Variants in ATP8A2 observed in about 807,000 individuals in gnomAD.
ATP8A2 encodes phospholipid-transporting ATPase IB.
In ATP8A2, 100 loss-of-function variants were observed where a neutral mutation model predicts 165.6. The ratio of observed to expected loss-of-function variants is 0.60; its 90% CI spans 0.51 to 0.71. ATP8A2 has a LOEUF of 0.71. Ranked by LOEUF, ATP8A2 falls within the 30% of genes least tolerant of loss-of-function variation. The pLI, the probability that ATP8A2 is intolerant of heterozygous loss-of-function variation, is 0.00. For missense variants in ATP8A2, 1,227 were observed against 1,479.5 expected (o/e 0.83, Z 2.80); for synonymous variants, 543 against 548.8 (o/e 0.99, Z 0.15).
At chr13:25,397,029 G>T (rs1334304024) in intron 1 of ATP8A2, among the ~76,000 whole-genome samples, 2 of 152,196 alleles carry the variant, frequency 1.3e-5, no homozygotes, top group African/African-American at 4.8e-5. Context: ...CCAAAGGCGT[G>T]CCCCTTGGTG....
chr13:25,796,388 G>A (rs1232371329), intron 27 of ATP8A2, among the ~76,000 whole-genome samples: 1 of 152,192 alleles, frequency 6.6e-6, no homozygotes, highest in Non-Finnish European at 1.5e-5. Context: ...TAAGAAGGCA[G>A]GTGTGTGTTG....
chr13:25,635,363 T>C (rs1036597034), intron 24 of ATP8A2, among the ~76,000 whole-genome samples: 2 of 151,944 alleles, frequency 1.3e-5, no homozygotes, highest in South Asian at 2.1e-4. Context: ...GTTTGGGGAG[T>C]GTTCTACTAA....
intron 13 of ATP8A2, among the ~76,000 whole-genome samples, chr13:25,556,009 CA>C (rs749610215): frequency 2.6e-5 from 4 of 152,114 alleles, no homozygotes; most frequent in Non-Finnish European, 5.9e-5. Flanking sequence ...TTTCTTTATC[CA>C]ATCCACTGTT....
intron 35 of ATP8A2, among the ~76,000 whole-genome samples, chr13:25,994,149 A>G (rs1018519589): frequency 1.3e-5 from 2 of 152,160 alleles, no homozygotes; most frequent in African/African-American, 2.4e-5. Flanking sequence ...CATTGATAAT[A>G]CATAGAAATA....
chr13:25,630,658 A>G (rs1367770008), intron 24 of ATP8A2, among the ~76,000 whole-genome samples: 2 of 152,204 alleles, frequency 1.3e-5, no homozygotes, highest in Non-Finnish European at 2.9e-5. Flanking sequence ...TCTACAGGAA[A>G]TCTTGAGACA....
chr13:25,684,909 T>A (rs540920174), intron 24 of ATP8A2, among the ~76,000 whole-genome samples: 1 of 152,344 alleles, frequency 6.6e-6, no homozygotes, highest in Admixed American at 6.5e-5. Context: ...ATTTGAGCTC[T>A]TTTGAGTCTT....
chr13:25,391,246 G>C (rs184658367), intron 1 of ATP8A2, among the ~76,000 whole-genome samples: 1 of 152,104 alleles, frequency 6.6e-6, no homozygotes, highest in Non-Finnish European at 1.5e-5. Flanking sequence ...AATGAATCCA[G>C]CTCAAGCCTT....
At chr13:25,967,211 C>G (rs1213798497) in intron 34 of ATP8A2, among the ~76,000 whole-genome samples, 2 of 152,184 alleles carry the variant, frequency 1.3e-5, no homozygotes, top group Non-Finnish European at 2.9e-5. Flanking sequence ...AATTAAAATT[C>G]CACAGGCTCT....
intron 24 of ATP8A2, among the ~76,000 whole-genome samples, chr13:25,603,470 CAAAA>C (rs60241678): frequency 1.7e-5 from 2 of 118,430 alleles, no homozygotes; most frequent in Admixed American, 8.6e-5. Context: ...GACTCTGTCT[CAAAA>C]AAAAAAAAAA....
At chr13:25,718,329 C>T (rs569240780) in intron 25 of ATP8A2, among the ~76,000 whole-genome samples, 12 of 152,244 alleles carry the variant, frequency 7.9e-5, no homozygotes, top group South Asian at 4.2e-4. Context: ...CACAGAGACT[C>T]GGGGTCAGAA....
chr13:25,471,191 C>G (rs900371380), intron 2 of ATP8A2, among the ~76,000 whole-genome samples: 1 of 151,932 alleles, frequency 6.6e-6, no homozygotes, highest in Non-Finnish European at 1.5e-5. Context: ...TGAAGAGCTA[C>G]TTTTCTTTTT....
At chr13:25,898,387 G>C (rs1953628669) in intron 33 of ATP8A2, among the ~76,000 whole-genome samples, 1 of 152,228 alleles carries the variant, frequency 6.6e-6, no homozygotes, top group South Asian at 2.1e-4. Context: ...TCTTCTGGAA[G>C]TTTTGTCTCA....
At chr13:25,573,729 G>A (rs1437190905) in intron 18 of ATP8A2, among the ~76,000 whole-genome samples, 1 of 152,124 alleles carries the variant, frequency 6.6e-6, no homozygotes, top group Admixed American at 6.5e-5. Context: ...GTAGCACTGG[G>A]TGTCTTCTGA....
intron 25 of ATP8A2, among the ~76,000 whole-genome samples, chr13:25,740,482 A>G (rs2043888284): frequency 6.6e-6 from 1 of 152,134 alleles, no homozygotes; most frequent in Admixed American, 6.5e-5. Flanking sequence ...TGACAATAGG[A>G]ATGATGAATG....
intron 24 of ATP8A2, among the ~76,000 whole-genome samples, chr13:25,634,625 G>C (rs1381065617): frequency 6.6e-6 from 1 of 152,142 alleles, no homozygotes; most frequent in Non-Finnish European, 1.5e-5. Context: ...CTTCACCAAA[G>C]AGTGGAATTG....
At chr13:25,952,492 C>A (rs1013516158) in intron 33 of ATP8A2, among the ~76,000 whole-genome samples, 4 of 152,180 alleles carry the variant, frequency 2.6e-5, no homozygotes, top group South Asian at 2.1e-4. Context: ...GCGATCCCCC[C>A]ACCTTAGCCT....
intron 25 of ATP8A2, among the ~76,000 whole-genome samples, chr13:25,764,823 C>G (rs1005574072): frequency 1.3e-5 from 2 of 152,284 alleles, no homozygotes; most frequent in East Asian, 3.9e-4. Context: ...GGGTGGAGTT[C>G]CTTGTAACCC....
chr13:25,937,559 A>G (rs11149411), intron 33 of ATP8A2, among the ~76,000 whole-genome samples: 67,544 of 150,496 alleles, frequency 0.45, 16,841 homozygotes, highest in East Asian at 0.71. Flanking sequence ...AATTAAAAGG[A>G]ACAAAGACAG....
At chr13:25,529,420 C>T (rs909812858) in intron 2 of ATP8A2, among the ~76,000 whole-genome samples, 1 of 152,138 alleles carries the variant, frequency 6.6e-6, no homozygotes, top group Non-Finnish European at 1.5e-5. Flanking sequence ...TAGGTGTAAA[C>T]ACTGTACTGT....
Sources: allele counts gnomAD v4.1 joint callset (sites outside exome capture counted in the v4.1 genomes callset), GRCh38; gene constraint gnomAD v4.1.1; transcripts MANE v1.5; gene names NCBI Gene and HGNC (gene_info 2026-07-23, HGNC 2026-07-21).